The following PHC2 variants were observed in gnomAD, a reference collection of about 807,000 sequenced individuals.
The protein encoded by PHC2 is polyhomeotic homolog 2.
Under a neutral mutation model 87.4 loss-of-function variants are expected in PHC2, and 29 were observed. That is an observed-to-expected ratio of 0.33 (90% CI 0.25 to 0.45). The LOEUF is 0.45. Among genes scored for constraint, PHC2 ranks in the 20% least tolerant of loss-of-function variants. PHC2 has a pLI of 1.00. For synonymous variants in PHC2, 438 were observed against 461.7 expected, an observed-to-expected ratio of 0.95 and a Z score of 0.66; for missense variants, 857 against 1,136.7, an observed-to-expected ratio of 0.75 and a Z score of 3.54.
chr1:33,395,366 C>G (rs932388514), intron 1 of PHC2, among the ~76,000 whole-genome samples: 1 of 152,080 alleles, frequency 6.6e-6, no homozygotes, highest in Admixed American at 6.5e-5. Flanking sequence ...TGTACTATAT[C>G]AATGCATGCC....
At chr1:33,355,867 T>C (rs1033234520) in intron 7 of PHC2, among the ~76,000 whole-genome samples, 2 of 152,132 alleles carry the variant, frequency 1.3e-5, no homozygotes, top group African/African-American at 2.4e-5. Context: ...AATCTAAAAA[T>C]TGAAAATATA....
At chr1:33,327,416 G>A (rs1220003133) in intron 14 of PHC2, among the ~76,000 whole-genome samples, 2 of 152,082 alleles carry the variant, frequency 1.3e-5, no homozygotes, top group East Asian at 1.9e-4. Context: ...ATTTGGTGGC[G>A]GTGAGGGTAT....
intron 1 of PHC2, among the ~76,000 whole-genome samples, chr1:33,379,898 G>A (rs1003971625): frequency 6.6e-6 from 1 of 151,926 alleles, no homozygotes; most frequent in African/African-American, 2.4e-5. Flanking sequence ...CCAAGTGCCC[G>A]CACCCTTGCT....
chr1:33,408,974 C>G (rs963687804), intron 1 of PHC2, among the ~76,000 whole-genome samples: 6 of 152,150 alleles, frequency 3.9e-5, no homozygotes, highest in African/African-American at 1.4e-4. Context: ...ATGAGAACTA[C>G]TTTACATGAA....
intron 9 of PHC2, among the ~76,000 whole-genome samples, chr1:33,338,372 C>A (rs1646680735): frequency 6.6e-6 from 1 of 152,156 alleles, no homozygotes; most frequent in African/African-American, 2.4e-5. Flanking sequence ...CCATTGTAAC[C>A]CAGGGCAGAT....
In PHC2 at chr1:33,393,981, A is replaced by G. The variant is rs185493256; in HGVS notation, c.-54-18388T>C. Among the ~76,000 whole-genome samples the G allele has an allele frequency of 3.3e-3, 496 of 152,308 alleles. 1 individual carries two copies. Among genetic ancestry groups the G allele is most frequent in the African/African-American group, 0.011 (476 of 41,558 alleles). On this transcript the variant is annotated intron_variant, in intron 1 of 14. Transcript: ENST00000683057. ...TATAGAACCAAAGAAAAGAACTGTC[A>G]ATCTGCCTTTGTTCAGAAAGGCAGA...
intron 4 of PHC2, 79 bp from the exon 5 acceptor site, chr1:33,370,664 C>A: frequency 1.4e-6 from 2 of 1,384,922 alleles, no homozygotes; most frequent in East Asian, 2.5e-5. Flanking sequence ...TTCTTTCTCC[C>A]CCCTCTTTTG....
At chr1:33,325,082 C>T (rs1646340793) in intron 14 of PHC2, 63 bp from the exon 15 acceptor site, 2 of 1,458,830 alleles carry the variant, frequency 1.4e-6, no homozygotes, top group Admixed American at 2.0e-5. Flanking sequence ...CTGGCAGCCA[C>T]TGCATCTAGT....
chr1:33,371,835 C>T (rs1327334232), intron 3 of PHC2, among the ~76,000 whole-genome samples: 1 of 152,208 alleles, frequency 6.6e-6, no homozygotes, highest in Admixed American at 6.5e-5. Context: ...ACAGGGTGCT[C>T]AGTATACCCA....
intron 9 of PHC2, among the ~76,000 whole-genome samples, chr1:33,344,297 G>C (rs1557824613): frequency 6.6e-6 from 1 of 152,208 alleles, no homozygotes; most frequent in Non-Finnish European, 1.5e-5. Context: ...AGGCAGCCAT[G>C]TTCCCCAATA....
intron 7 of PHC2, among the ~76,000 whole-genome samples, chr1:33,356,276 T>TATATATATATATATATATATAA (rs1557831073): frequency 1.7e-5 from 1 of 59,472 alleles, no homozygotes. Flanking sequence ...TATATATATA[T>TATATATATATATATATATATAA]GTATATATAT....
At position 33,355,132 on chromosome 1, in the gene PHC2, T is replaced by C. The variant is rs778900813; in HGVS notation, c.1098A>G (p.Ser366=). 2 of 1,611,610 alleles carry C rather than the reference T, an allele frequency of 1.2e-6. No individual in the cohort carries two copies. The highest frequency in any genetic ancestry group is 2.2e-5 in the East Asian group (1 of 44,816). Residue 366 remains serine, a synonymous_variant, in exon 8 of 15, where the codon TCA becomes TCG. Transcript: ENST00000683057. ...GGGGCTCAGCTTGGAGCACAGGCCGTGACTGCTGGGGCGGCGGCTGCTGCT... is the reference window on the plus strand; with the variant it reads ...GGGGCTCAGCTTGGAGCACAGGCCGCGACTGCTGGGGCGGCGGCTGCTGCT... ...PQQQQPPPQQ[S]RPVLQAEPHP...
At chr1:33,408,380 G>GT (rs1649847702) in intron 1 of PHC2, among the ~76,000 whole-genome samples, 1 of 152,204 alleles carries the variant, frequency 6.6e-6, no homozygotes, top group South Asian at 2.1e-4. Flanking sequence ...TCACATGGAT[G>GT]TATGTTCTTT....
intron 1 of PHC2, among the ~76,000 whole-genome samples, chr1:33,394,739 AT>A (rs1168730951): frequency 6.6e-6 from 1 of 151,872 alleles, no homozygotes; most frequent in Non-Finnish European, 1.5e-5. Flanking sequence ...CTAATTTTTT[AT>A]TTTTTATTTT....
chr1:33,399,386 T>C (rs1570507651), intron 1 of PHC2, among the ~76,000 whole-genome samples: 1 of 152,186 alleles, frequency 6.6e-6, no homozygotes, highest in Admixed American at 6.5e-5. Flanking sequence ...TGCCCCCATT[T>C]GGAAAAAGTT....
Position 33,349,152 on chromosome 1 carries a change from A to T in PHC2, c.1558+5249T>A. On this transcript the variant is annotated intron_variant, in intron 9 of 14. Transcript: ENST00000683057. This position sits in a 1 kb window ranked among gnomAD's most constrained non-coding sequence, Gnocchi z 4.2. ...TCCATCCAATTAAAAACCTCGTGAG[A>T]CTGAACTAGATTAAAAACAAAACTC... The T allele has an allele frequency of 7.1e-6, 7 of 985,410 alleles. No homozygotes were observed. Among genetic ancestry groups the T allele is most frequent in the Non-Finnish European group, 8.4e-6 (7 of 829,898 alleles). The allele number at this position is 985,410 out of a possible 1,614,324, so 61.0% of individuals were successfully genotyped here.
At chr1:33,385,042 A>G (rs1198709345) in intron 1 of PHC2, among the ~76,000 whole-genome samples, 2 of 152,244 alleles carry the variant, frequency 1.3e-5, no homozygotes, top group Non-Finnish European at 2.9e-5. Flanking sequence ...TTGTGGGTCC[A>G]GATGGCTACT....
intron 1 of PHC2, among the ~76,000 whole-genome samples, chr1:33,379,050 T>C (rs1390064811): frequency 1.3e-5 from 2 of 151,900 alleles, no homozygotes; most frequent in African/African-American, 2.4e-5. Context: ...GTGGAGAGTG[T>C]ACACTCAAAT....
At chr1:33,347,382 G>C (rs749350389) in intron 9 of PHC2, 4 of 985,400 alleles carry the variant, frequency 4.1e-6, no homozygotes, top group Non-Finnish European at 4.8e-6. Context: ...AAGGAAAAGG[G>C]GCTGGAGGTC....
Sources: allele counts gnomAD v4.1 joint callset (sites outside exome capture counted in the v4.1 genomes callset), GRCh38; gene constraint gnomAD v4.1.1; non-coding constraint Gnocchi (gnomAD v3.1); transcripts MANE v1.5; gene names NCBI Gene and HGNC (gene_info 2026-07-23, HGNC 2026-07-21).